Variants in WDFY4 observed in about 807,000 individuals in gnomAD.
The protein encoded by WDFY4 is WD repeat- and FYVE domain-containing protein 4.
WDFY4 carries 169 observed loss-of-function variants against 351.9 expected under a neutral mutation model. The ratio of observed to expected loss-of-function variants is 0.48; its 90% confidence interval spans 0.42 to 0.55. The LOEUF (loss-of-function observed/expected upper bound fraction) is 0.55. Ranked by LOEUF, WDFY4 falls within the 20% of genes least tolerant of loss-of-function variation. The pLI, the probability that WDFY4 is intolerant of heterozygous loss-of-function variation, is 0.00. For missense variants in WDFY4, 3,803 were observed against 3,935.6 expected, an observed-to-expected ratio of 0.97 and a Z score of 0.90; for synonymous variants, 1,622 against 1,574.6, an observed-to-expected ratio of 1.03 and a Z score of -0.71.
At chr10:48,799,546 G>A (rs897834034) in intron 24 of WDFY4, among the ~76,000 whole-genome samples, 4 of 152,172 alleles carry the variant, frequency 2.6e-5, no homozygotes, top group Middle Eastern at 3.2e-3. Flanking sequence ...AGGCCGAGGC[G>A]GGTGGATCGT....
intron 47 of WDFY4, chr10:48,913,950 AT>A: frequency 6.2e-7 from 1 of 1,614,070 alleles, no homozygotes. Context: ...GAACTTGGAG[AT>A]GGAGTCAGGG....
intron 9 of WDFY4, 89 bp downstream of exon 9, chr10:48,731,651 A>T: frequency 7.2e-7 from 1 of 1,396,448 alleles, no homozygotes; most frequent in Non-Finnish European, 9.5e-7. Flanking sequence ...ATCAAATGCA[A>T]CAGAAAGTGA....
At chr10:48,804,527 G>A (rs2067188235) in intron 25 of WDFY4, among the ~76,000 whole-genome samples, 1 of 148,892 alleles carries the variant, frequency 6.7e-6, no homozygotes, top group Non-Finnish European at 1.5e-5. Context: ...TGTGTATCAG[G>A]GAGATGGAGC....
intron 39 of WDFY4, among the ~76,000 whole-genome samples, chr10:48,858,596 T>G (rs1290269709): frequency 6.6e-6 from 1 of 152,238 alleles, no homozygotes; most frequent in African/African-American, 2.4e-5. Context: ...ACATTCTCAA[T>G]TACTGTAACT....
chr10:48,897,544 G>A lies in WDFY4; in HGVS notation c.7407G>A (p.Arg2469=), dbSNP rs954059919. Residue 2469 remains arginine (R), a synonymous_variant, in exon 45 of 62, where the codon CGG becomes CGA. Transcript: ENST00000325239. ...SCQCHSYADM[R]ELRQARFLLQ... ...AGTGCCACAGCTACGCTGACATGCG[G>A]GAGCTACGGCAGGCTCGCTTCCTCC... The A allele has an allele frequency of 9.7e-6, 15 of 1,550,062 alleles. No homozygotes were observed. Among genetic ancestry groups the A allele is most frequent in the Non-Finnish European group, 1.2e-5 (14 of 1,147,002 alleles).
intron 10 of WDFY4, among the ~76,000 whole-genome samples, chr10:48,734,856 C>A (rs2064598351): frequency 6.6e-6 from 1 of 151,442 alleles, no homozygotes; most frequent in South Asian, 2.1e-4. Context: ...GCTCACTGTA[C>A]CCTCCACCCT....
chr10:48,913,374 G>T, intron 47 of WDFY4: 1 of 1,602,572 alleles, frequency 6.2e-7, no homozygotes. Flanking sequence ...TCTGCCTCAG[G>T]GTCAGGTTCC....
At chr10:48,818,122 G>C (rs1340355961) in intron 32 of WDFY4, among the ~76,000 whole-genome samples, 1 of 152,208 alleles carries the variant, frequency 6.6e-6, no homozygotes. Flanking sequence ...TATGGAAGAA[G>C]GAAGGGCAGA....
At chr10:48,802,876 C>T (rs2067131800) in intron 24 of WDFY4, 2 of 480,766 alleles carry the variant, frequency 4.2e-6, no homozygotes, top group Admixed American at 2.3e-5. Context: ...TGGAGACTGT[C>T]ACTCAGCTGG....
chr10:48,749,630 A>G (rs2132455404), intron 12 of WDFY4, among the ~76,000 whole-genome samples: 1 of 152,170 alleles, frequency 6.6e-6, no homozygotes, highest in East Asian at 1.9e-4. Context: ...GTGAAAGTGG[A>G]GCAGAAGCAG....
chr10:48,901,244 A>G (rs187994431), intron 46 of WDFY4, among the ~76,000 whole-genome samples: 2 of 152,370 alleles, frequency 1.3e-5, no homozygotes, highest in East Asian at 3.9e-4. Flanking sequence ...GCCCCCTAAA[A>G]TTATATTCAA....
Position 48,899,954 on chromosome 10 carries a change from T to C in WDFY4, c.7438-267T>C, listed in dbSNP as rs575111978. Among the ~76,000 whole-genome samples, 5 of 152,270 alleles carry C rather than the reference T, an allele frequency of 3.3e-5. No homozygotes were observed. The South Asian group carries it at 1.0e-3, about 32-fold the overall frequency. On this transcript the variant is annotated intron_variant, in intron 45 of 61. Transcript: ENST00000325239. The stretch of plus-strand genomic sequence containing the variant: ...CATGGGTGCTTTCTCTCGTGTCTGC[T>C]TCACGCTTGCCCTGGGAGTGGACCT...
At chr10:48,831,532 T>C (rs369195951) in intron 38 of WDFY4, among the ~76,000 whole-genome samples, 3 of 152,356 alleles carry the variant, frequency 2.0e-5, no homozygotes, top group African/African-American at 7.2e-5. Flanking sequence ...TTTCCATGTA[T>C]ATTGTCCCAG....
At position 48,710,044 on chromosome 10, in the gene WDFY4, A is replaced by G. The variant is rs1215565771; in HGVS notation, c.234+78A>G. On this transcript the variant is annotated intron_variant, in intron 2 of 61. Coordinates refer to ENST00000325239, the MANE Select transcript of WDFY4 (RefSeq NM_001394531.1). ...CTGGGATGATTGCATAGTGAAGTTG[A>G]TGGTTTTAATGTCATCCCAAGTGGA... 6.9e-6 allele frequency: 9 copies of G among 1,306,208 alleles called. No homozygotes were observed. In the African/African-American group the frequency reaches 1.2e-4, roughly 17 times the overall value. 80.9% of individuals were successfully genotyped at this position (1,306,208 alleles called of 1,614,324 possible).
intron 12 of WDFY4, among the ~76,000 whole-genome samples, chr10:48,759,547 C>A (rs2065438152): frequency 6.6e-6 from 1 of 152,192 alleles, no homozygotes; most frequent in Admixed American, 6.5e-5. Context: ...TGCCTGGCTG[C>A]TGCTGCTGTT....
At position 48,826,747 on chromosome 10, in the gene WDFY4, A is replaced by C; in HGVS notation, c.6059A>C (p.Tyr2020Ser). Residue 2020 changes from tyrosine to serine, a missense_variant, in exon 36 of 62, where the codon TAT becomes TCT. Physicochemically the swap from Tyr to Ser is moderately radical, Grantham distance 144 (BLOSUM62 -2). Coordinates refer to ENST00000325239, the MANE Select transcript of WDFY4 (RefSeq NM_001394531.1). ...AGCAGTTTAAATAAAGTCATTCTTT[A>C]TTGCCTATCCAAGCCCCAGCAGTCC... ...LYSSLNKVIL[Y>S]CLSKPQQSLS... The C allele has an allele frequency of 6.4e-7, 1 of 1,551,858 alleles. No individual in the cohort carries two copies. Among genetic ancestry groups the C allele is most frequent in the Non-Finnish European group, 8.7e-7 (1 of 1,147,022 alleles).
intron 34 of WDFY4, among the ~76,000 whole-genome samples, chr10:48,822,016 T>C (rs2132999363): frequency 6.6e-6 from 1 of 152,300 alleles, no homozygotes; most frequent in South Asian, 2.1e-4. Flanking sequence ...AGATGGATAA[T>C]GACAGTATGG....
intron 51 of WDFY4, among the ~76,000 whole-genome samples, chr10:48,953,513 T>TTC (rs1323240287): frequency 2.0e-5 from 3 of 152,210 alleles, no homozygotes; most frequent in Non-Finnish European, 2.9e-5. Context: ...CCAGTGTGCT[T>TTC]TCCACCGTTG....
At chr10:48,702,461 T>C (rs987650530) in intron 1 of WDFY4, among the ~76,000 whole-genome samples, 5 of 152,202 alleles carry the variant, frequency 3.3e-5, no homozygotes, top group Admixed American at 6.5e-5. Flanking sequence ...TTCCAAAATG[T>C]CCTCTAAGTG....
Sources: gnomAD v4.1 joint callset for allele counts (sites outside exome capture counted in the v4.1 genomes callset) on GRCh38, gnomAD v4.1.1 for gene constraint, MANE v1.5 for transcripts, NCBI Gene and HGNC (gene_info 2026-07-23, HGNC 2026-07-21) for gene names.